Variants in THSD7A observed in about 807,000 individuals in gnomAD.
The protein encoded by THSD7A is thrombospondin type-1 domain-containing protein 7A.
A neutral mutation model predicts 231.3 loss-of-function variants in THSD7A; 96 were observed. That is an observed-to-expected ratio of 0.41 (90% CI 0.35 to 0.49). The LOEUF (loss-of-function observed/expected upper bound fraction) is 0.49, where lower values mean the gene tolerates loss of function less well. Ranked by LOEUF, THSD7A falls within the 20% of genes least tolerant of loss-of-function variation. THSD7A has a pLI of 0.05. For missense variants in THSD7A, 2,290 were observed against 2,070.2 expected (o/e 1.11, Z -2.06); for synonymous variants, 940 against 743.3 (o/e 1.26, Z -4.30).
At chr7:11,556,848 T>G (rs898656587) in intron 4 of THSD7A, among the ~76,000 whole-genome samples, 4 of 152,072 alleles carry the variant, frequency 2.6e-5, no homozygotes, top group Non-Finnish European at 5.9e-5. Context: ...TTCTTTTTCT[T>G]GTAGTAAGGT....
At position 11,474,726 on chromosome 7, in the gene THSD7A, A is replaced by G. The variant is rs565269515; in HGVS notation, c.2018-158T>C. Reference sequence around the variant, plus strand: ...CGCAATATTTATGTGAGATGCTTCAAGGGATACCTACAGGGGTTAAAAATA... The same window carrying G: ...CGCAATATTTATGTGAGATGCTTCAGGGGATACCTACAGGGGTTAAAAATA... On this transcript the variant is annotated intron_variant, in intron 7 of 27. Coordinates refer to ENST00000423059, the MANE Select transcript of THSD7A (RefSeq NM_015204.3). This position sits in a 1 kb window ranked among gnomAD's most constrained non-coding sequence, Gnocchi z 4.1. Among the ~76,000 whole-genome samples the G allele has an allele frequency of 6.3e-4, 96 of 152,284 alleles. No homozygotes were observed. Among genetic ancestry groups the G allele is most frequent in the African/African-American group, 2.2e-3 (92 of 41,566 alleles).
intron 1 of THSD7A, among the ~76,000 whole-genome samples, chr7:11,731,527 T>C (rs764649750): frequency 1.1e-4 from 16 of 151,640 alleles, no homozygotes; most frequent in Admixed American, 2.0e-4. Context: ...TTAACGTCAA[T>C]TGCTTGAGTT....
At chr7:11,647,660 G>C (rs1782333482) in intron 1 of THSD7A, among the ~76,000 whole-genome samples, 2 of 152,046 alleles carry the variant, frequency 1.3e-5, no homozygotes, top group Non-Finnish European at 2.9e-5. Context: ...GCATCTGCAA[G>C]TCCTCTGATT....
At chr7:11,624,747 AACCCAGAATT>A in intron 2 of THSD7A, among the ~76,000 whole-genome samples, 1 of 152,160 alleles carries the variant, frequency 6.6e-6, no homozygotes, top group Non-Finnish European at 1.5e-5. Flanking sequence ...TCTCTGGGCC[AACCCAGAATT>A]ACAGTAATTT....
Position 11,469,999 on chromosome 7 carries a change from A to G in THSD7A, c.2253-5T>C, listed in dbSNP as rs766949794. On this transcript the variant is annotated splice_polypyrimidine_tract_variant and splice_region_variant and intron_variant, in intron 8 of 27. Transcript: ENST00000423059. The stretch of plus-strand genomic sequence containing the variant: ...GGTCGAAGGCTTTCAGGACATCTAG[A>G]AAGGCAAAGGGGAATTATTAGGCTT... 4.6e-5 allele frequency: 72 copies of G among 1,550,702 alleles called. No individual in the cohort carries two copies. Among genetic ancestry groups the G allele is most frequent in the Admixed American group, 2.8e-4 (15 of 54,474 alleles).
chr7:11,419,388 T>C (rs1784067792), intron 16 of THSD7A, among the ~76,000 whole-genome samples: 2 of 152,114 alleles, frequency 1.3e-5, no homozygotes, highest in South Asian at 4.1e-4. Flanking sequence ...CCCCCTTTGC[T>C]TTTTCTCTCT....
intron 1 of THSD7A, among the ~76,000 whole-genome samples, chr7:11,807,044 A>G (rs571675522): frequency 6.6e-6 from 1 of 151,918 alleles, no homozygotes; most frequent in Non-Finnish European, 1.5e-5. Flanking sequence ...CACTTGTCTT[A>G]TTTAATATTT....
At chr7:11,530,887 T>C (rs117605629) in intron 6 of THSD7A, among the ~76,000 whole-genome samples, 4,225 of 152,196 alleles carry the variant, frequency 0.028, 87 homozygotes, top group Non-Finnish European at 0.039. Context: ...CGCGGGTGTC[T>C]GTAATCCCAA....
At chr7:11,704,324 A>T (rs1027723344) in intron 1 of THSD7A, among the ~76,000 whole-genome samples, 2 of 151,122 alleles carry the variant, frequency 1.3e-5, no homozygotes, top group African/African-American at 4.8e-5. Context: ...CATAATAGAT[A>T]ATAATATACT....
At chr7:11,695,464 A>G (rs765172560) in intron 1 of THSD7A, among the ~76,000 whole-genome samples, 1 of 151,468 alleles carries the variant, frequency 6.6e-6, no homozygotes, top group Non-Finnish European at 1.5e-5. Flanking sequence ...ACAAGCAAAT[A>G]TTGACTTCCA....
chr7:11,773,632 C>G (rs114873187), intron 1 of THSD7A, among the ~76,000 whole-genome samples: 3,957 of 152,106 alleles, frequency 0.026, 179 homozygotes, highest in African/African-American at 0.09. Flanking sequence ...TATTTGAATA[C>G]ATAAGACTTT....
In THSD7A at chr7:11,729,530, G is replaced by A. The variant is rs925294802; in HGVS notation, c.191-92569C>T. On this transcript the variant is annotated intron_variant, in intron 1 of 27. Coordinates refer to ENST00000423059, the MANE Select transcript of THSD7A (RefSeq NM_015204.3). ...AAACAAGCAAGCAAACAAAAAACAC[G>A]ATCTATACTAAATTCTTAATTATAC... 1.4e-4 allele frequency among the ~76,000 whole-genome samples: 22 copies of A among 151,770 alleles called. 1 individual carries two copies. The Middle Eastern group carries it at 0.017, about 117-fold the overall frequency.
chr7:11,624,379 C>T (rs1781413411), intron 2 of THSD7A, among the ~76,000 whole-genome samples: 1 of 152,094 alleles, frequency 6.6e-6, no homozygotes, highest in African/African-American at 2.4e-5. Context: ...GGTCATTAGG[C>T]TTCTTTTCAA....
At chr7:11,576,115 T>C (rs1315430435) in intron 4 of THSD7A, among the ~76,000 whole-genome samples, 1 of 152,252 alleles carries the variant, frequency 6.6e-6, no homozygotes, top group Admixed American at 6.5e-5. Context: ...CAGAATCTTA[T>C]GATACACATT....
chr7:11,618,317 A>G (rs538977953), intron 2 of THSD7A, among the ~76,000 whole-genome samples: 1 of 152,334 alleles, frequency 6.6e-6, no homozygotes, highest in African/African-American at 2.4e-5. Context: ...CATATTGTAT[A>G]CACACATATT....
chr7:11,698,203 T>A (rs536834706), intron 1 of THSD7A, among the ~76,000 whole-genome samples: 2 of 151,438 alleles, frequency 1.3e-5, no homozygotes, highest in Middle Eastern at 6.8e-3. Flanking sequence ...AATTTACAGA[T>A]CAGAAAAGAA....
chr7:11,633,779 A>G (rs1367809756), intron 2 of THSD7A, among the ~76,000 whole-genome samples: 1 of 152,160 alleles, frequency 6.6e-6, no homozygotes, highest in African/African-American at 2.4e-5. Flanking sequence ...TAAACATTTG[A>G]GCAGTAATTC....
At chr7:11,617,781 G>C (rs965980142) in intron 2 of THSD7A, among the ~76,000 whole-genome samples, 2 of 152,078 alleles carry the variant, frequency 1.3e-5, no homozygotes, top group Non-Finnish European at 2.9e-5. Flanking sequence ...GGCGGGAATT[G>C]AACAATGAGA....
intron 1 of THSD7A, among the ~76,000 whole-genome samples, chr7:11,638,282 G>C (rs1224401700): frequency 6.6e-6 from 1 of 152,196 alleles, no homozygotes; most frequent in Non-Finnish European, 1.5e-5. Context: ...GATTTGCTGA[G>C]TTCAAATATT....
Sources: allele counts gnomAD v4.1 joint callset (sites outside exome capture counted in the v4.1 genomes callset), GRCh38; gene constraint gnomAD v4.1.1; non-coding constraint Gnocchi (gnomAD v3.1); transcripts MANE v1.5; gene names NCBI Gene and HGNC (gene_info 2026-07-23, HGNC 2026-07-21).